The following MCTP1 variants were observed in gnomAD, a reference collection of about 807,000 sequenced individuals.
MCTP1 encodes multiple C2 and transmembrane domain containing 1, also known as multiple C2 and transmembrane domain-containing protein 1.
A neutral mutation model predicts 120.6 loss-of-function variants in MCTP1; 69 were observed. The observed-to-expected ratio is 0.57, with a 90% CI of 0.47 to 0.70. The LOEUF (loss-of-function observed/expected upper bound fraction) is 0.70, where lower values mean the gene tolerates loss of function less well. MCTP1 is among the 30% of genes least tolerant of loss of function. The pLI is 0.00. For missense variants in MCTP1, 1,203 were observed against 1,248.8 expected (o/e 0.96, Z 0.55); for synonymous variants, 529 against 493.1 (o/e 1.07, Z -0.96).
chr5:95,126,109 G>T (rs1399241870), intron 1 of MCTP1, among the ~76,000 whole-genome samples: 1 of 152,112 alleles, frequency 6.6e-6, no homozygotes, highest in East Asian at 1.9e-4. Flanking sequence ...CTAGAGCTAT[G>T]GGGGGAGAAA....
chr5:95,114,647 T>C (rs1029331484), intron 1 of MCTP1, among the ~76,000 whole-genome samples: 2 of 152,172 alleles, frequency 1.3e-5, no homozygotes, highest in Non-Finnish European at 2.9e-5. Context: ...CACAGTACAA[T>C]AGAAAACCAT....
At chr5:94,949,374 A>AT (rs1402851013) in intron 3 of MCTP1, among the ~76,000 whole-genome samples, 1 of 152,142 alleles carries the variant, frequency 6.6e-6, no homozygotes, top group African/African-American at 2.4e-5. Flanking sequence ...AAAGCACTGC[A>AT]TTTTAACTCC....
intron 1 of MCTP1, among the ~76,000 whole-genome samples, chr5:95,021,487 G>T (rs1464348365): frequency 6.6e-6 from 1 of 151,938 alleles, no homozygotes; most frequent in Non-Finnish European, 1.5e-5. Flanking sequence ...AGGTTCTGTT[G>T]TATGCCCTTC....
chr5:95,022,447 A>G (rs2153677843), intron 1 of MCTP1, among the ~76,000 whole-genome samples: 1 of 152,200 alleles, frequency 6.6e-6, no homozygotes, highest in East Asian at 1.9e-4. Context: ...AGCACTTTAT[A>G]TCTTTATTTT....
In MCTP1 at chr5:95,214,990, C is replaced by T. The variant is rs1178891; in HGVS notation, c.720+68866G>A. 1.9e-3 allele frequency among the ~76,000 whole-genome samples: 286 copies of T among 151,980 alleles called. 2 individuals carry two copies. The highest frequency in any genetic ancestry group is 6.2e-3 in the African/African-American group (257 of 41,448). ...GTAACAAACCTGCACGTTGTGCACA[C>T]GTACCCTAAAACTTAAAGTATAAAA... On this transcript the variant is annotated intron_variant, in intron 1 of 22. Coordinates refer to ENST00000515393, the MANE Select transcript of MCTP1 (RefSeq NM_024717.7).
chr5:95,071,376 A>G (rs925159171), intron 1 of MCTP1, among the ~76,000 whole-genome samples: 2 of 152,152 alleles, frequency 1.3e-5, no homozygotes, highest in Non-Finnish European at 2.9e-5. Context: ...ATTTTCTCTA[A>G]TCCTCACAAA....
At chr5:95,282,965 A>C (rs1227329063) in intron 1 of MCTP1, among the ~76,000 whole-genome samples, 2 of 152,242 alleles carry the variant, frequency 1.3e-5, no homozygotes, top group Non-Finnish European at 2.9e-5. Context: ...AAGTAAACTA[A>C]GATATATTGG....
chr5:94,707,305 CAAGTT>C lies in MCTP1; in HGVS notation c.*186_*190del, dbSNP rs1237598628. ...GACACAGCAGTAGCAAAACCTTTAT[CAAGTT>C]GAGTCTGTACAATAGAAGTATATAT... On this transcript the variant is annotated 3_prime_UTR_variant, in exon 23 of 23. Coordinates refer to ENST00000515393, the MANE Select transcript of MCTP1 (RefSeq NM_024717.7). The C allele has an allele frequency of 4.0e-6, 2 of 498,414 alleles. No individual in the cohort carries two copies. The highest frequency in any genetic ancestry group is 7.1e-6 in the Non-Finnish European group (2 of 280,936). The allele number at this position is 498,414 out of a possible 1,614,324, so 30.9% of individuals were successfully genotyped here.
intron 12 of MCTP1, among the ~76,000 whole-genome samples, chr5:94,878,987 G>A (rs937080299): frequency 7.2e-5 from 11 of 152,076 alleles, no homozygotes; most frequent in Non-Finnish European, 1.5e-4. Flanking sequence ...GAGTAGCCAA[G>A]TAGAAAAGTG....
intron 1 of MCTP1, among the ~76,000 whole-genome samples, chr5:95,077,971 G>A (rs547902568): frequency 1.4e-5 from 1 of 73,082 alleles, no homozygotes; most frequent in East Asian, 3.7e-4. Flanking sequence ...TCCAGTGTCA[G>A]GTACATGAGT....
intron 10 of MCTP1, among the ~76,000 whole-genome samples, chr5:94,900,174 G>T (rs1046710369): frequency 1.3e-5 from 2 of 152,168 alleles, no homozygotes; most frequent in Admixed American, 6.5e-5. Context: ...ATGCTAGAAC[G>T]CACCTGTTTC....
At chr5:94,849,297 T>C (rs1230412564) in intron 17 of MCTP1, among the ~76,000 whole-genome samples, 3 of 152,176 alleles carry the variant, frequency 2.0e-5, no homozygotes, top group African/African-American at 7.2e-5. Flanking sequence ...ACTTTATTAA[T>C]TGGTATTTCA....
chr5:95,079,720 TA>T (rs1754439150), intron 1 of MCTP1, among the ~76,000 whole-genome samples: 2 of 151,924 alleles, frequency 1.3e-5, no homozygotes, highest in Non-Finnish European at 2.9e-5. Flanking sequence ...TCATATTTAA[TA>T]AAAAATATTT....
At chr5:94,951,805 A>G (rs1407690642) in intron 3 of MCTP1, among the ~76,000 whole-genome samples, 1 of 152,186 alleles carries the variant, frequency 6.6e-6, no homozygotes, top group African/African-American at 2.4e-5. Context: ...TCGTGGGAGA[A>G]GGGTTGGCTA....
At chr5:95,042,283 A>C (rs1842481890) in intron 1 of MCTP1, among the ~76,000 whole-genome samples, 1 of 152,312 alleles carries the variant, frequency 6.6e-6, no homozygotes, top group South Asian at 2.1e-4. Context: ...CAGTGAAGTG[A>C]GTGTCAAGTA....
intron 17 of MCTP1, among the ~76,000 whole-genome samples, chr5:94,841,816 G>C (rs968856387): frequency 6.6e-6 from 1 of 152,080 alleles, no homozygotes; most frequent in Non-Finnish European, 1.5e-5. Context: ...AATGAGCTGG[G>C]CATTAAATTT....
chr5:94,990,648 T>A (rs384495), intron 2 of MCTP1, among the ~76,000 whole-genome samples: 117,473 of 152,146 alleles, frequency 0.77, 45,913 homozygotes, highest in Admixed American at 0.86. Context: ...ATTTGCAAAA[T>A]TAGCACAATC....
At chr5:94,960,180 T>C (rs1436531684) in intron 2 of MCTP1, among the ~76,000 whole-genome samples, 1 of 152,194 alleles carries the variant, frequency 6.6e-6, no homozygotes, top group Non-Finnish European at 1.5e-5. Flanking sequence ...AAGGATACCC[T>C]ATTTAATACA....
chr5:94,719,871 T>G (rs1760451649), intron 19 of MCTP1, among the ~76,000 whole-genome samples: 1 of 152,180 alleles, frequency 6.6e-6, no homozygotes, highest in Non-Finnish European at 1.5e-5. Context: ...GGCTCATGCC[T>G]GTAATCCCAG....
Sources: gnomAD v4.1 joint callset for allele counts (sites outside exome capture counted in the v4.1 genomes callset) on GRCh38, gnomAD v4.1.1 for gene constraint, MANE v1.5 for transcripts, NCBI Gene and HGNC (gene_info 2026-07-23, HGNC 2026-07-21) for gene names.